MDFIC: variants seen among roughly 807,000 people sequenced by gnomAD.
The protein encoded by MDFIC is MyoD family inhibitor domain containing.
A neutral mutation model predicts 23.2 loss-of-function variants in MDFIC; 17 were observed. The observed-to-expected ratio is 0.73, with a 90% CI of 0.50 to 1.10. The LOEUF (loss-of-function observed/expected upper bound fraction) is 1.10. MDFIC is among the 50% of genes least tolerant of loss of function. The pLI is 0.00. For missense variants in MDFIC, 356 were observed against 316.6 expected (o/e 1.12, Z -0.95); for synonymous variants, 120 against 115.2 (o/e 1.04, Z -0.27).
chr7:115,007,227 G>A (rs551962649), intron 4 of MDFIC, among the ~76,000 whole-genome samples: 54 of 152,102 alleles, frequency 3.6e-4, no homozygotes, highest in Non-Finnish European at 6.3e-4. Flanking sequence ...GAGAGGTGTG[G>A]TTTTCCTAGA....
chr7:114,927,680 T>C (rs927147590), intron 2 of MDFIC, among the ~76,000 whole-genome samples: 6 of 152,268 alleles, frequency 3.9e-5, no homozygotes, highest in African/African-American at 1.4e-4. Context: ...CTCCAACATA[T>C]GGCAAAACAA....
intron 4 of MDFIC, among the ~76,000 whole-genome samples, chr7:114,998,590 T>C (rs1307312862): frequency 6.6e-6 from 1 of 152,218 alleles, no homozygotes; most frequent in East Asian, 1.9e-4. Context: ...ATTATATTTA[T>C]ATTCTTTGTC....
chr7:115,012,856 G>A (rs112022959), intron 4 of MDFIC, among the ~76,000 whole-genome samples: 12 of 152,214 alleles, frequency 7.9e-5, no homozygotes, highest in African/African-American at 2.6e-4. Flanking sequence ...GCCGGCACCT[G>A]TAGTCCCAGC....
At position 115,015,972 on chromosome 7, in the gene MDFIC, T is replaced by C. The variant is rs1163459696; in HGVS notation, c.*37T>C. 6.3e-7 allele frequency: 1 copy of C among 1,578,166 alleles called. No individual in the cohort carries two copies. The highest frequency in any genetic ancestry group is 1.2e-5 in the South Asian group (1 of 86,214). The stretch of plus-strand genomic sequence containing the variant: ...TTGTTTGTGTTAAAACTGGAGAGTG[T>C]TTAAAAATTTCCTTTTGGGGGGAAG... On this transcript the variant is annotated 3_prime_UTR_variant, in exon 5 of 5. Transcript: ENST00000393486.
intron 2 of MDFIC, among the ~76,000 whole-genome samples, chr7:114,927,663 T>C (rs538566076): frequency 6.6e-6 from 1 of 152,284 alleles, no homozygotes; most frequent in African/African-American, 2.4e-5. Flanking sequence ...ACCCTACACT[T>C]TGGAGACTCC....
At chr7:114,926,788 C>T (rs1585089831) in intron 2 of MDFIC, among the ~76,000 whole-genome samples, 1 of 152,146 alleles carries the variant, frequency 6.6e-6, no homozygotes, top group Non-Finnish European at 1.5e-5. Flanking sequence ...AGAGGCTAAT[C>T]AGATTTTCTT....
At chr7:114,982,116 C>G (rs1793427707) in intron 4 of MDFIC, among the ~76,000 whole-genome samples, 1 of 152,130 alleles carries the variant, frequency 6.6e-6, no homozygotes. Flanking sequence ...CTGCTTGACT[C>G]TCAGGATAGA....
At chr7:114,997,389 A>T (rs1184613176) in intron 4 of MDFIC, among the ~76,000 whole-genome samples, 2 of 150,896 alleles carry the variant, frequency 1.3e-5, no homozygotes, top group Non-Finnish European at 3.0e-5. Flanking sequence ...GTTGTAGGGG[A>T]GTGTATGTGC....
At chr7:114,963,242 A>G (rs970235286) in intron 3 of MDFIC, among the ~76,000 whole-genome samples, 1 of 152,228 alleles carries the variant, frequency 6.6e-6, no homozygotes, top group African/African-American at 2.4e-5. Flanking sequence ...GGTTTATGGA[A>G]GTACATTCTG....
chr7:114,936,353 T>G (rs1174820285), intron 2 of MDFIC, among the ~76,000 whole-genome samples: 1 of 152,172 alleles, frequency 6.6e-6, no homozygotes, highest in East Asian at 1.9e-4. Context: ...AGCAACATTC[T>G]CAGGTTCTTC....
chr7:115,004,453 G>C (rs967603216), intron 4 of MDFIC, among the ~76,000 whole-genome samples: 2 of 151,882 alleles, frequency 1.3e-5, no homozygotes, highest in African/African-American at 4.8e-5. Flanking sequence ...TCCACAAAGA[G>C]AAAAGAAAAA....
At chr7:115,014,198 A>C in intron 4 of MDFIC, 1 of 985,410 alleles carries the variant, frequency 1.0e-6, no homozygotes, top group Non-Finnish European at 1.2e-6. Flanking sequence ...CTGCAGAGAA[A>C]CAGAGGGGTG....
At chr7:114,960,555 C>G (rs1220590401) in intron 3 of MDFIC, among the ~76,000 whole-genome samples, 1 of 151,904 alleles carries the variant, frequency 6.6e-6, no homozygotes, top group African/African-American at 2.4e-5. Context: ...CTGAATAGAC[C>G]CCTTTTATTT....
intron 2 of MDFIC, among the ~76,000 whole-genome samples, chr7:114,935,113 C>A (rs971371103): frequency 2.0e-5 from 3 of 152,010 alleles, no homozygotes; most frequent in African/African-American, 7.2e-5. Context: ...AGATTTTAGT[C>A]TCAGATTACT....
At chr7:114,961,309 T>C (rs1792987303) in intron 3 of MDFIC, among the ~76,000 whole-genome samples, 1 of 152,232 alleles carries the variant, frequency 6.6e-6, no homozygotes, top group South Asian at 2.1e-4. Context: ...TTTTATTCCC[T>C]AGTTCTTTAA....
chr7:114,996,052 G>T (rs974998948), intron 4 of MDFIC, among the ~76,000 whole-genome samples: 8 of 152,156 alleles, frequency 5.3e-5, no homozygotes, highest in African/African-American at 1.9e-4. Context: ...AGATAATTAG[G>T]TGCCTACTGA....
rs568334185 is a variant in MDFIC at position 114,985,941 on chromosome 7, G to C, written c.493+6160G>C. 5.0e-4 allele frequency among the ~76,000 whole-genome samples: 76 copies of C among 151,222 alleles called. No individual in the cohort carries two copies. In the South Asian group the frequency reaches 0.015, roughly 30 times the overall value. On this transcript the variant is annotated intron_variant, in intron 4 of 4. Coordinates refer to ENST00000393486, the MANE Select transcript of MDFIC (RefSeq NM_001166345.3). ...CTGTAATACAAAAATTCCATGGTTG[G>C]AATTATATAGAATCAGGGTGCTTTC...
chr7:114,923,173 T>G (rs569320782), intron 2 of MDFIC, 46 bp downstream of exon 2: 1 of 1,526,664 alleles, frequency 6.6e-7, no homozygotes, highest in African/African-American at 1.4e-5. Flanking sequence ...CATTGTTGCA[T>G]TTTTCAGTTT....
At chr7:114,935,646 A>G (rs2115728370) in intron 2 of MDFIC, among the ~76,000 whole-genome samples, 2 of 152,240 alleles carry the variant, frequency 1.3e-5, no homozygotes, top group Admixed American at 1.3e-4. Flanking sequence ...GGTAAATATA[A>G]GTAGACTAGG....
Sources: allele counts gnomAD v4.1 joint callset (sites outside exome capture counted in the v4.1 genomes callset), GRCh38; gene constraint gnomAD v4.1.1; transcripts MANE v1.5; gene names NCBI Gene and HGNC (gene_info 2026-07-23, HGNC 2026-07-21).